Variants in MGLL observed in about 807,000 individuals in gnomAD.
MGLL encodes the protein monoglyceride lipase.
Under a neutral mutation model 29.1 loss-of-function variants are expected in MGLL, and 7 were observed. That is an observed-to-expected ratio of 0.24 (90% CI 0.14 to 0.45). The LOEUF is 0.45. Among genes scored for constraint, MGLL ranks in the 20% least tolerant of loss-of-function variants. The pLI, the probability that MGLL is intolerant of heterozygous loss-of-function variation, is 0.99. For synonymous variants in MGLL, 148 were observed against 168.3 expected (o/e 0.88, Z 0.93); for missense variants, 356 against 413.6 (o/e 0.86, Z 1.21).
Position 127,730,249 on chromosome 3 carries a change from C to T in MGLL, c.263-7683G>A, listed in dbSNP as rs111913637. 4.3e-3 allele frequency among the ~76,000 whole-genome samples: 652 copies of T among 152,258 alleles called. 4 individuals carry two copies. The highest frequency in any genetic ancestry group is 0.015 in the African/African-American group (615 of 41,562). On this transcript the variant is annotated intron_variant, in intron 3 of 7. Coordinates refer to ENST00000265052, the MANE Select transcript of MGLL (RefSeq NM_007283.7). Reference sequence around the variant, plus strand: ...TCCAATCTCCCTGCCCAACCCCAGGCTCTCCATGACCCACCTCCTCTTCCG... The same window carrying T: ...TCCAATCTCCCTGCCCAACCCCAGGTTCTCCATGACCCACCTCCTCTTCCG...
chr3:127,779,685 A>G (rs2077091366), intron 3 of MGLL, among the ~76,000 whole-genome samples: 1 of 152,202 alleles, frequency 6.6e-6, no homozygotes, highest in South Asian at 2.1e-4. Flanking sequence ...GATCCAAGCT[A>G]GTAAAATCAG....
intron 3 of MGLL, among the ~76,000 whole-genome samples, chr3:127,780,378 C>T (rs1416458216): frequency 6.6e-6 from 1 of 152,002 alleles, no homozygotes; most frequent in African/African-American, 2.4e-5. Context: ...TTAAAGGATG[C>T]AAATGCAATA....
intron 3 of MGLL, among the ~76,000 whole-genome samples, chr3:127,757,179 G>A (rs1041037936): frequency 6.6e-6 from 1 of 152,222 alleles, no homozygotes; most frequent in Non-Finnish European, 1.5e-5. Flanking sequence ...GAAGCTGACA[G>A]ACATGTGGAG....
intron 5 of MGLL, chr3:127,715,976 A>G (rs112435664): frequency 0.016 from 5,974 of 375,706 alleles, 321 homozygotes; most frequent in African/African-American, 0.12. Flanking sequence ...AGGAGAGAGG[A>G]GCCCCTGCAT....
chr3:127,779,499 CT>C (rs35951289), intron 3 of MGLL, among the ~76,000 whole-genome samples: 173 of 148,230 alleles, frequency 1.2e-3, no homozygotes, highest in African/African-American at 2.5e-3. Context: ...TAGAACCAGC[CT>C]TTTTTTTTTT....
chr3:127,765,588 C>T (rs541042), intron 3 of MGLL, among the ~76,000 whole-genome samples: 123,645 of 152,200 alleles, frequency 0.81, 50,669 homozygotes, highest in Non-Finnish European at 0.86. Flanking sequence ...GTGCCCAATT[C>T]CTGTGTGAAT....
intron 2 of MGLL, among the ~76,000 whole-genome samples, chr3:127,814,734 C>T (rs1379860112): frequency 6.6e-6 from 1 of 152,214 alleles, no homozygotes; most frequent in Non-Finnish European, 1.5e-5. Flanking sequence ...GCAAGAATAG[C>T]AGCTGGCCTT....
intron 3 of MGLL, among the ~76,000 whole-genome samples, chr3:127,768,567 C>G (rs541908409): frequency 6.6e-6 from 1 of 152,258 alleles, no homozygotes; most frequent in East Asian, 1.9e-4. Context: ...AGAATCGAGG[C>G]CTGACCTACT....
chr3:127,780,053 A>T (rs569731642), intron 3 of MGLL, among the ~76,000 whole-genome samples: 1 of 152,348 alleles, frequency 6.6e-6, no homozygotes, highest in East Asian at 1.9e-4. Context: ...TTTTCGCACT[A>T]TATTTAGAAT....
intron 3 of MGLL, among the ~76,000 whole-genome samples, chr3:127,762,914 G>T (rs1418843770): frequency 6.6e-6 from 1 of 152,172 alleles, no homozygotes; most frequent in African/African-American, 2.4e-5. Flanking sequence ...CCTCAGGCCA[G>T]GTCTGTGTTT....
chr3:127,754,177 G>A (rs530577013), intron 3 of MGLL, among the ~76,000 whole-genome samples: 4 of 152,150 alleles, frequency 2.6e-5, no homozygotes, highest in Non-Finnish European at 5.9e-5. Flanking sequence ...TGGCAGGGCA[G>A]GGGCTTCCCT....
intron 3 of MGLL, among the ~76,000 whole-genome samples, chr3:127,772,151 C>T (rs1272448422): frequency 6.6e-6 from 1 of 151,392 alleles, no homozygotes; most frequent in Admixed American, 6.6e-5. Context: ...GGGATAACCC[C>T]AGCAAGCCTT....
chr3:127,801,474 G>C (rs534348722), intron 2 of MGLL, among the ~76,000 whole-genome samples: 4 of 151,842 alleles, frequency 2.6e-5, no homozygotes, highest in African/African-American at 4.8e-5. Context: ...AAATTAGCCA[G>C]GCCTGGTGGT....
intron 3 of MGLL, among the ~76,000 whole-genome samples, chr3:127,777,244 C>T (rs896004053): frequency 6.6e-6 from 1 of 152,140 alleles, no homozygotes; most frequent in African/African-American, 2.4e-5. Flanking sequence ...GAAAGGAAAT[C>T]CTGTGAGTGA....
intron 6 of MGLL, among the ~76,000 whole-genome samples, chr3:127,705,822 A>G (rs1276210526): frequency 6.6e-6 from 1 of 152,078 alleles, no homozygotes; most frequent in Non-Finnish European, 1.5e-5. Context: ...CAACATACAA[A>G]TATCCAAAAA....
chr3:127,701,193 C>CAAG (rs2075474050), intron 6 of MGLL, among the ~76,000 whole-genome samples: 3 of 119,184 alleles, frequency 2.5e-5, no homozygotes, highest in African/African-American at 1.0e-4. Context: ...CCAGCCTGGG[C>CAAG]AAGAGAGCGA....
intron 3 of MGLL, among the ~76,000 whole-genome samples, chr3:127,750,625 C>A (rs1394552468): frequency 1.5e-4 from 13 of 85,050 alleles, no homozygotes; most frequent in Middle Eastern, 6.6e-3. Context: ...CCCGGGCAAA[C>A]GCACACTGAC....
chr3:127,743,572 TAAAAAAA>T (rs35691902), intron 3 of MGLL, among the ~76,000 whole-genome samples: 2 of 40,722 alleles, frequency 4.9e-5, no homozygotes, highest in Non-Finnish European at 8.1e-5. Flanking sequence ...CCACTAATGC[TAAAAAAA>T]AAAAAAAAAA....
intron 3 of MGLL, among the ~76,000 whole-genome samples, chr3:127,746,982 C>T (rs913047525): frequency 2.6e-5 from 4 of 152,194 alleles, no homozygotes; most frequent in African/African-American, 9.6e-5. Context: ...ACAAGTGACT[C>T]AGCCCTGTTC....
Sources: allele counts gnomAD v4.1 joint callset (sites outside exome capture counted in the v4.1 genomes callset), GRCh38; gene constraint gnomAD v4.1.1; transcripts MANE v1.5; gene names NCBI Gene and HGNC (gene_info 2026-07-23, HGNC 2026-07-21).